Variants in ACSS3 observed in about 807,000 individuals in gnomAD.
ACSS3 encodes acyl-CoA synthetase short chain family member 3, also known as acyl-CoA synthetase short-chain family member 3, mitochondrial.
In ACSS3, 64 loss-of-function variants were observed where a neutral mutation model predicts 84.2. The observed-to-expected ratio is 0.76, with a 90% confidence interval of 0.62 to 0.94. The LOEUF is 0.94. Among genes scored for constraint, ACSS3 ranks in the 40% least tolerant of loss-of-function variants. The probability of loss-of-function intolerance (pLI) is 0.00; values close to 1 mark genes in which losing one functional copy is unlikely to be tolerated. For missense variants in ACSS3, 815 were observed against 867.6 expected (o/e 0.94, Z 0.76); for synonymous variants, 317 against 310.1 (o/e 1.02, Z -0.23).
chr12:81,199,659 G>A, intron 9 of ACSS3: 1 of 1,472,014 alleles, frequency 6.8e-7, no homozygotes, highest in Non-Finnish European at 9.0e-7. Flanking sequence ...TTGGTCCCTA[G>A]GTATAAAGCA....
At position 81,078,288 on chromosome 12, in the gene ACSS3, CGGCAGT is replaced by C. The variant is rs1880746599; in HGVS notation, c.174_179del (p.Gly59_Ser60del). The stretch of plus-strand genomic sequence containing the variant: ...GCCGGGGATGCAGGGCACTGTCCTC[CGGCAGT>C]GGCAGCGAGTACAAGACCCACTTCG... On this transcript the variant is annotated inframe_deletion, in exon 1 of 16. Coordinates refer to ENST00000548058, the MANE Select transcript of ACSS3 (RefSeq NM_024560.4). 6.2e-7 allele frequency: 1 copy of C among 1,611,844 alleles called. No homozygotes were observed.
At chr12:81,095,906 A>T (rs1427130564) in intron 1 of ACSS3, among the ~76,000 whole-genome samples, 1 of 152,212 alleles carries the variant, frequency 6.6e-6, no homozygotes, top group Non-Finnish European at 1.5e-5. Context: ...TAAAATAATT[A>T]TCTGTGCTAT....
At chr12:81,163,940 G>A (rs1248702382) in intron 7 of ACSS3, among the ~76,000 whole-genome samples, 2 of 152,088 alleles carry the variant, frequency 1.3e-5, no homozygotes, top group Non-Finnish European at 2.9e-5. Context: ...GTTACAGTAA[G>A]CCAAGTTTAA....
intron 13 of ACSS3, among the ~76,000 whole-genome samples, chr12:81,246,103 C>A (rs1368384582): frequency 6.6e-6 from 1 of 152,158 alleles, no homozygotes; most frequent in Non-Finnish European, 1.5e-5. Flanking sequence ...ATGGCTGCTG[C>A]TGCAGAGAGC....
rs571171131 is a variant in ACSS3, at chr12:81,170,059, T to C, written c.1099-4729T>C. On this transcript the variant is annotated intron_variant, in intron 7 of 15. Transcript: ENST00000548058. Reference sequence around the variant, plus strand: ...AAGTTTTATATCAGTGTCTGGGAAATCACAAGTAGTCTTAACCTCAAGACC... The same window carrying C: ...AAGTTTTATATCAGTGTCTGGGAAACCACAAGTAGTCTTAACCTCAAGACC... 2.3e-4 allele frequency among the ~76,000 whole-genome samples: 35 copies of C among 152,238 alleles called. 1 individual carries two copies. In the South Asian group the frequency reaches 6.8e-3, roughly 30 times the overall value.
At position 81,223,645 on chromosome 12, in the gene ACSS3, C is replaced by T. The variant is rs566586287; in HGVS notation, c.1514+3569C>T. The stretch of plus-strand genomic sequence containing the variant: ...TGCACAGCTAGAACTCACATTATTG[C>T]CCAGTCTTTTGTCTGCCCTGAGGGA... On this transcript the variant is annotated intron_variant, in intron 11 of 15. Transcript: ENST00000548058. Among the ~76,000 whole-genome samples the T allele has an allele frequency of 3.3e-5, 5 of 152,070 alleles. No homozygotes were observed. The East Asian group carries it at 7.8e-4, about 24-fold the overall frequency.
At chr12:81,114,158 T>G (rs905701718) in intron 2 of ACSS3, among the ~76,000 whole-genome samples, 1 of 152,166 alleles carries the variant, frequency 6.6e-6, no homozygotes. Context: ...GCAATTTTCA[T>G]GAATACATGT....
chr12:81,179,395 C>T (rs552636426), intron 8 of ACSS3, among the ~76,000 whole-genome samples: 11 of 150,958 alleles, frequency 7.3e-5, no homozygotes, highest in Admixed American at 2.0e-4. Flanking sequence ...AAACAGACAA[C>T]GTAGAGTATG....
At chr12:81,143,861 A>G (rs867988586) in intron 5 of ACSS3, among the ~76,000 whole-genome samples, 4 of 152,200 alleles carry the variant, frequency 2.6e-5, no homozygotes, top group Admixed American at 6.5e-5. Flanking sequence ...GAAAGCATCA[A>G]TATTCATTGA....
rs994547308 is a variant in ACSS3, at chr12:81,257,176, G to GACTT, written c.*2255_*2258dup. 1.1e-4 allele frequency: 17 copies of GACTT among 152,092 alleles called. No individual in the cohort carries two copies. Among genetic ancestry groups the GACTT allele is most frequent in the Non-Finnish European group, 1.9e-4 (13 of 68,030 alleles). 9.4% of individuals were successfully genotyped at this position (152,092 alleles called of 1,614,324 possible). A position where few individuals can be genotyped will look rare whatever the true frequency, so the allele number is the denominator to read the frequency against. On this transcript the variant is annotated 3_prime_UTR_variant, in exon 16 of 16. Coordinates refer to ENST00000548058, the MANE Select transcript of ACSS3 (RefSeq NM_024560.4). ...ATCTGAAGCGACATCTCAGCAAGCA[G>GACTT]ACTTGGGTTATTTTCCACTAGGATG... is the stretch of plus-strand genomic sequence containing the variant.
chr12:81,203,445 C>T (rs1250053144), intron 9 of ACSS3, among the ~76,000 whole-genome samples: 1 of 152,144 alleles, frequency 6.6e-6, no homozygotes, highest in Admixed American at 6.5e-5. Flanking sequence ...AACCATCACA[C>T]ATTATTATTG....
chr12:81,096,511 T>C (rs574933825), intron 1 of ACSS3, among the ~76,000 whole-genome samples: 163 of 152,324 alleles, frequency 1.1e-3, no homozygotes, highest in African/African-American at 3.6e-3. Context: ...CTGGGATACA[T>C]GCACAGAAAA....
chr12:81,081,193 A>G (rs1010571836), intron 1 of ACSS3, among the ~76,000 whole-genome samples: 8 of 152,234 alleles, frequency 5.3e-5, no homozygotes, highest in Non-Finnish European at 8.8e-5. Flanking sequence ...AGCTTTCACA[A>G]TGACATAAGC....
chr12:81,126,642 A>C (rs1336450526), intron 2 of ACSS3, among the ~76,000 whole-genome samples: 1 of 152,210 alleles, frequency 6.6e-6, no homozygotes, highest in Non-Finnish European at 1.5e-5. Context: ...GAAATACAGG[A>C]TTTAACTAAT....
intron 11 of ACSS3, among the ~76,000 whole-genome samples, chr12:81,227,696 C>A (rs777706664): frequency 2.0e-5 from 3 of 151,810 alleles, no homozygotes; most frequent in Non-Finnish European, 4.4e-5. Flanking sequence ...AGATCAGTTT[C>A]TGCATGTCAA....
intron 8 of ACSS3, among the ~76,000 whole-genome samples, chr12:81,190,086 C>T (rs1395624109): frequency 1.3e-5 from 2 of 152,058 alleles, no homozygotes; most frequent in Admixed American, 6.6e-5. Context: ...TATAACAGAT[C>T]TTTATCTACT....
intron 13 of ACSS3, among the ~76,000 whole-genome samples, chr12:81,252,736 G>A (rs952624415): frequency 6.6e-6 from 1 of 152,072 alleles, no homozygotes. Flanking sequence ...CTTCAACAGT[G>A]GGGATTATCT....
At chr12:81,205,772 G>A (rs909396449) in intron 9 of ACSS3, among the ~76,000 whole-genome samples, 3 of 151,938 alleles carry the variant, frequency 2.0e-5, no homozygotes, top group Non-Finnish European at 2.9e-5. Flanking sequence ...TCTATATTTA[G>A]GCTATAATAA....
intron 2 of ACSS3, among the ~76,000 whole-genome samples, chr12:81,129,090 C>T (rs1885310470): frequency 6.6e-6 from 1 of 152,080 alleles, no homozygotes; most frequent in African/African-American, 2.4e-5. Flanking sequence ...CATTGAGGAG[C>T]AGCTGAAACA....
Sources: allele counts gnomAD v4.1 joint callset (sites outside exome capture counted in the v4.1 genomes callset), GRCh38; gene constraint gnomAD v4.1.1; transcripts MANE v1.5; gene names NCBI Gene and HGNC (gene_info 2026-07-23, HGNC 2026-07-21).